The following TET3 variants were observed in gnomAD, a reference collection of about 807,000 sequenced individuals.
The protein encoded by TET3 is methylcytosine dioxygenase TET3.
Under a neutral mutation model 141.4 loss-of-function variants are expected in TET3, and 19 were observed. The observed-to-expected ratio is 0.13, with a 90% CI of 0.09 to 0.20. TET3 has a LOEUF of 0.20. Ranked by LOEUF, TET3 falls within the 10% of genes least tolerant of loss-of-function variation. The probability of loss-of-function intolerance (pLI) is 1.00; values close to 1 mark genes in which losing one functional copy is unlikely to be tolerated. For synonymous variants in TET3, 1,043 were observed against 980.9 expected, an observed-to-expected ratio of 1.06 and a Z score of -1.18; for missense variants, 1,874 against 2,356.9, an observed-to-expected ratio of 0.80 and a Z score of 4.24.
At chr2:74,112,932 G>A (rs764444041), downstream of TET3, among the ~76,000 whole-genome samples, 9 of 142,208 alleles carry the variant, frequency 6.3e-5, no homozygotes, top group South Asian at 6.6e-4. Context: ...TATGGGACCC[G>A]AGAGGCAGAA....
At chr2:73,984,454 G>C (rs1209102551), upstream of TET3, among the ~76,000 whole-genome samples, 1 of 152,174 alleles carries the variant, frequency 6.6e-6, no homozygotes, top group Non-Finnish European at 1.5e-5. The surrounding 1 kb of genome is among the most constrained non-coding windows in gnomAD (Gnocchi z 5.6). Flanking sequence ...GGGACAGGGG[G>C]GTCAGTCGGG....
chr2:74,135,101 C>A, the TET3 span: 2 of 206,224 alleles, frequency 9.7e-6, no homozygotes, highest in Non-Finnish European at 2.0e-5. Context: ...CGGATCCTGG[C>A]ACCCCCAAAT....
intron 2 of TET3, among the ~76,000 whole-genome samples, chr2:73,994,022 A>G (rs1436629560): frequency 6.6e-6 from 1 of 152,132 alleles, no homozygotes; most frequent in African/African-American, 2.4e-5. Flanking sequence ...TGATGCAGTT[A>G]TTACGTTGCA....
intron 10 of TET3, among the ~76,000 whole-genome samples, chr2:74,096,831 C>T (rs1331765567): frequency 1.3e-5 from 2 of 151,696 alleles, no homozygotes; most frequent in African/African-American, 4.8e-5. Context: ...GTGGCTCACA[C>T]CTGTAATGCC....
intron 2 of TET3, among the ~76,000 whole-genome samples, chr2:73,990,297 T>C (rs1447968391): frequency 6.6e-6 from 1 of 151,894 alleles, no homozygotes; most frequent in Non-Finnish European, 1.5e-5. Flanking sequence ...GAGAATCGCC[T>C]GAGCCCACAG....
intron 2 of TET3, among the ~76,000 whole-genome samples, chr2:73,991,098 C>T (rs1156811790): frequency 6.6e-6 from 1 of 151,646 alleles, no homozygotes; most frequent in African/African-American, 2.4e-5. Context: ...CGTGAGTCAC[C>T]GTGCCCGGCC....
At chr2:74,081,885 G>A (rs765672059) in intron 6 of TET3, among the ~76,000 whole-genome samples, 44 of 152,184 alleles carry the variant, frequency 2.9e-4, no homozygotes, top group Admixed American at 6.5e-5. Context: ...CAGAGAATCT[G>A]GAATCACTTA....
intron 2 of TET3, among the ~76,000 whole-genome samples, chr2:73,990,078 C>T (rs1359858078): frequency 1.3e-5 from 2 of 152,052 alleles, no homozygotes; most frequent in African/African-American, 2.4e-5. Flanking sequence ...AACAACTGTG[C>T]ATTAGTCTTC....
intron 2 of TET3, among the ~76,000 whole-genome samples, chr2:73,988,642 C>T (rs1684165332): frequency 6.6e-6 from 1 of 152,134 alleles, no homozygotes. Context: ...CTTGCCATGG[C>T]CAACTGCCTC....
In TET3 at chr2:74,039,625, G is replaced by A. The variant is rs191120877; in HGVS notation, c.361-6653G>A. ...GATTGGGAAGTCAGAAGTGACAACA[G>A]CATGGGTAGCTTCTATATGTTCCTT... is the stretch of plus-strand genomic sequence containing the variant. On this transcript the variant is annotated intron_variant, in intron 3 of 11. Coordinates refer to ENST00000409262, the MANE Select transcript of TET3 (RefSeq NM_001287491.2). Among the ~76,000 whole-genome samples the A allele has an allele frequency of 2.6e-5, 4 of 152,348 alleles. No individual in the cohort carries two copies. The East Asian group carries it at 7.7e-4, about 29-fold the overall frequency.
At chr2:74,026,432 C>T (rs1315695107) in intron 3 of TET3, among the ~76,000 whole-genome samples, 1 of 152,120 alleles carries the variant, frequency 6.6e-6, no homozygotes, top group Non-Finnish European at 1.5e-5. Context: ...AGGTGTGTGT[C>T]CCAACTGAGG....
intron 6 of TET3, among the ~76,000 whole-genome samples, chr2:74,085,789 C>A (rs1573887393): frequency 6.6e-6 from 1 of 152,306 alleles, no homozygotes; most frequent in East Asian, 1.9e-4. Flanking sequence ...GGGTCAGAGA[C>A]CCCTGCTCTA....
chr2:74,097,876 T>G (rs1690942936), intron 10 of TET3, among the ~76,000 whole-genome samples: 1 of 152,136 alleles, frequency 6.6e-6, no homozygotes, highest in Admixed American at 6.5e-5. Flanking sequence ...CCATTTGCTA[T>G]CTCTGAGAAT....
chr2:74,061,980 G>A (rs934554886), intron 4 of TET3, among the ~76,000 whole-genome samples: 2 of 152,002 alleles, frequency 1.3e-5, no homozygotes, highest in African/African-American at 4.8e-5. Flanking sequence ...CAGACAATGG[G>A]CGACCAGGCA....
chr2:74,026,990 T>C lies in TET3; in HGVS notation c.361-19288T>C, dbSNP rs561113276. On this transcript the variant is annotated intron_variant, in intron 3 of 11. Coordinates refer to ENST00000409262, the MANE Select transcript of TET3 (RefSeq NM_001287491.2). The stretch of plus-strand genomic sequence containing the variant: ...GACGTGGGAGGTATTCTTCCCATCT[T>C]TCTTTGACGGAAAAGGGACCACCAC... Among the ~76,000 whole-genome samples, 4 of 152,366 alleles carry C rather than the reference T, an allele frequency of 2.6e-5. No individual in the cohort carries two copies. The South Asian group carries it at 8.3e-4, about 32-fold the overall frequency.
At chr2:74,006,732 G>T (rs1047948981) in intron 3 of TET3, among the ~76,000 whole-genome samples, 2 of 152,198 alleles carry the variant, frequency 1.3e-5, no homozygotes, top group African/African-American at 4.8e-5. Flanking sequence ...CAGCTTTTGG[G>T]TCTCACAATC....
intron 2 of TET3, among the ~76,000 whole-genome samples, chr2:73,997,351 C>T (rs72816195): frequency 0.041 from 6,281 of 152,218 alleles, 164 homozygotes; most frequent in Admixed American, 0.07. Context: ...ATTGATCTGC[C>T]GTTTAAGGTA....
chr2:73,992,309 T>TTTTTTTCTTTTTTTTCTTTC (rs1285499729), intron 2 of TET3, among the ~76,000 whole-genome samples: 8 of 151,014 alleles, frequency 5.3e-5, no homozygotes, highest in African/African-American at 2.0e-4. Flanking sequence ...TCTTTTCTTT[T>TTTTTTTCTTTTTTTTCTTTC]TTTTTTTTGT....
chr2:74,022,663 A>G (rs1355877459), intron 3 of TET3, among the ~76,000 whole-genome samples: 2 of 152,206 alleles, frequency 1.3e-5, no homozygotes, highest in African/African-American at 4.8e-5. Flanking sequence ...AGGCAGGTAT[A>G]GGCCAGACCA....
Sources: gnomAD v4.1 joint callset for allele counts (sites outside exome capture counted in the v4.1 genomes callset) on GRCh38, gnomAD v4.1.1 for gene constraint, Gnocchi (gnomAD v3.1) non-coding constraint, MANE v1.5 for transcripts, NCBI Gene and HGNC (gene_info 2026-07-23, HGNC 2026-07-21) for gene names.